The following PCDHGA2 variants were observed in gnomAD, a reference collection of about 807,000 sequenced individuals.
PCDHGA2 encodes protocadherin gamma-A2.
A neutral mutation model predicts 59.2 loss-of-function variants in PCDHGA2; 40 were observed. That is an observed-to-expected ratio of 0.68 (90% CI 0.52 to 0.88). The LOEUF is 0.88. PCDHGA2 is among the 40% of genes least tolerant of loss of function. The pLI is 0.00. For missense variants in PCDHGA2, 1,226 were observed against 1,204.0 expected (o/e 1.02, Z -0.27); for synonymous variants, 560 against 526.0 (o/e 1.06, Z -0.89).
intron 1 of PCDHGA2, chr5:141,356,230 G>A (rs551700676): frequency 1.9e-5 from 31 of 1,592,426 alleles, no homozygotes; most frequent in Non-Finnish European, 2.5e-5. Context: ...AAATGACAAC[G>A]CACCAGAAGT....
intron 2 of PCDHGA2, among the ~76,000 whole-genome samples, chr5:141,498,963 GGGAGGGAGGGAAGGAAGGAA>G (rs1472475865): frequency 5.7e-4 from 74 of 129,970 alleles, no homozygotes; most frequent in Non-Finnish European, 2.6e-4. Flanking sequence ...GAGAGAGGGA[GGGAGGGAGGGAAGGAAGGAA>G]GGAAGGAAGG....
chr5:141,355,781 T>C, intron 1 of PCDHGA2: 2 of 1,613,802 alleles, frequency 1.2e-6, no homozygotes, highest in Non-Finnish European at 1.7e-6. Context: ...TACCCAGAGC[T>C]GGTGCTGGAA....
intron 3 of PCDHGA2, among the ~76,000 whole-genome samples, chr5:141,509,004 G>A (rs2099873761): frequency 6.6e-6 from 1 of 152,072 alleles, no homozygotes; most frequent in South Asian, 2.1e-4. Context: ...AGGAGAGGAG[G>A]AAGTGGGCAG....
intron 1 of PCDHGA2, among the ~76,000 whole-genome samples, chr5:141,379,998 C>A (rs560610207): frequency 7.1e-6 from 1 of 140,462 alleles, no homozygotes; most frequent in South Asian, 2.4e-4. Flanking sequence ...CTCCTGGGTT[C>A]AAGCGATTCT....
At chr5:141,345,981 G>A in intron 1 of PCDHGA2, 1 of 1,613,408 alleles carries the variant, frequency 6.2e-7, no homozygotes, top group Non-Finnish European at 8.5e-7. Context: ...CCAGGACCAC[G>A]GCCAGCCCCC....
At chr5:141,377,359 T>A (rs1773912257) in intron 1 of PCDHGA2, 1 of 152,146 alleles carries the variant, frequency 6.6e-6, no homozygotes, top group South Asian at 2.1e-4. Flanking sequence ...TAATCCCACC[T>A]CTTCAGGAGG....
chr5:141,460,936 A>G (rs189741735), intron 1 of PCDHGA2, among the ~76,000 whole-genome samples: 31 of 149,318 alleles, frequency 2.1e-4, no homozygotes, highest in Non-Finnish European at 3.8e-4. Flanking sequence ...GTGTGTGTGT[A>G]TATATATGTA....
At chr5:141,391,795 A>G (rs1220181718) in intron 1 of PCDHGA2, 2 of 152,206 alleles carry the variant, frequency 1.3e-5, no homozygotes, top group African/African-American at 4.8e-5. Context: ...GCAGTTTTTT[A>G]GATCAAAGTG....
chr5:141,339,859 A>G lies in PCDHGA2; in HGVS notation c.888A>G (p.Ser296=). 6.2e-7 allele frequency: 1 copy of G among 1,614,206 alleles called. No individual in the cohort carries two copies. The highest frequency in any genetic ancestry group is 8.5e-7 in the Non-Finnish European group (1 of 1,180,022). ...CCTCAGAGGTATTTGAGCTTAAGTCAACATCTGGAGAACTGACAATCATAA... is the reference window on the plus strand; with the variant it reads ...CCTCAGAGGTATTTGAGCTTAAGTCGACATCTGGAGAACTGACAATCATAA... The part of the protein sequence containing the change: ...GETSEVFELK[S]TSGELTIIKD... The change falls in exon 1 of 4, where the codon TCA becomes TCG. Residue 296 remains serine (S), a synonymous_variant. Transcript: ENST00000394576.
chr5:141,483,637 G>C (rs1365525499), intron 1 of PCDHGA2, among the ~76,000 whole-genome samples: 2 of 145,762 alleles, frequency 1.4e-5, no homozygotes. Context: ...AAGGTATAGA[G>C]GGGTGTGTGT....
At chr5:141,473,808 C>G (rs1562041705) in intron 1 of PCDHGA2, among the ~76,000 whole-genome samples, 1 of 152,198 alleles carries the variant, frequency 6.6e-6, no homozygotes, top group Non-Finnish European at 1.5e-5. Flanking sequence ...TACTGAGGAG[C>G]AGCTGGACAA....
In PCDHGA2 at chr5:141,360,843, C is replaced by T. The variant is rs910664589; in HGVS notation, c.2424+19448C>T. 8 of 1,613,836 alleles carry T rather than the reference C, an allele frequency of 5.0e-6. No individual in the cohort carries two copies. The Admixed American group carries it at 5.0e-5, about 10-fold the overall frequency. Reference sequence around the variant, plus strand: ...TCCGAATCAAAGTCACGGATGCCAACGATAACCCTCCAGTGTTCAGCCAGG... The same window carrying T: ...TCCGAATCAAAGTCACGGATGCCAATGATAACCCTCCAGTGTTCAGCCAGG... On this transcript the variant is annotated intron_variant, in intron 1 of 3. Coordinates refer to ENST00000394576, the MANE Select transcript of PCDHGA2 (RefSeq NM_018915.4).
chr5:141,500,400 G>A (rs2099799942), intron 2 of PCDHGA2, among the ~76,000 whole-genome samples: 1 of 151,666 alleles, frequency 6.6e-6, no homozygotes, highest in East Asian at 1.9e-4. Context: ...TAGTAGAGAC[G>A]GGGTTTCACC....
At chr5:141,389,341 CT>C in intron 1 of PCDHGA2, 1 of 1,614,016 alleles carries the variant, frequency 6.2e-7, no homozygotes, top group Admixed American at 1.7e-5. Flanking sequence ...GGCCAAGTCT[CT>C]TACTGCATCA....
intron 1 of PCDHGA2, among the ~76,000 whole-genome samples, chr5:141,438,252 G>A (rs1181991674): frequency 6.6e-6 from 1 of 152,072 alleles, no homozygotes. Context: ...AACTGTCATT[G>A]AAGAGACCAT....
intron 1 of PCDHGA2, chr5:141,384,001 C>G (rs1561599904): frequency 6.2e-7 from 1 of 1,613,828 alleles, no homozygotes. Context: ...AGTCATTGCT[C>G]TTTTCTACCT....
At chr5:141,468,822 A>C (rs867400152) in intron 1 of PCDHGA2, among the ~76,000 whole-genome samples, 4 of 151,874 alleles carry the variant, frequency 2.6e-5, no homozygotes, top group Middle Eastern at 3.4e-3. Context: ...GCCAAGATCA[A>C]GCCACTGCAC....
At position 141,444,152 on chromosome 5, in the gene PCDHGA2, A is replaced by ATTT. The variant is rs747671382; in HGVS notation, c.2425-50621_2425-50619dup. 1.9e-3 allele frequency among the ~76,000 whole-genome samples: 66 copies of ATTT among 33,898 alleles called. 23 individuals are homozygous for ATTT. Among genetic ancestry groups the ATTT allele is most frequent in the African/African-American group, 4.6e-3 (33 of 7,184 alleles). The allele number at this position is 33,898 out of a possible 152,430, so 22.2% of individuals were successfully genotyped here. A position where few individuals can be genotyped will look rare whatever the true frequency, so the allele number is the denominator to read the frequency against. On this transcript the variant is annotated intron_variant, in intron 1 of 3. Transcript: ENST00000394576. Reference sequence around the variant, plus strand: ...GATATGTGTCACTTGTGTGTACTGGATTTTTTTTTTTTTTTTTTTTTTTTT... The same window carrying ATTT: ...GATATGTGTCACTTGTGTGTACTGGATTTTTTTTTTTTTTTTTTTTTTTTTTTT...
In PCDHGA2 at chr5:141,430,862, G is replaced by A. The variant is rs1365140768; in HGVS notation, c.2425-63945G>A. ...CGGATGCACCCAGATACGCTATTCA[G>A]TTCCGGAAGAGCTGGAGAAAGGCTC... is the stretch of plus-strand genomic sequence containing the variant. On this transcript the variant is annotated intron_variant, in intron 1 of 3. Transcript: ENST00000394576. 3 of 1,594,672 alleles carry A rather than the reference G, an allele frequency of 1.9e-6. No individual in the cohort carries two copies. The African/African-American group carries it at 4.0e-5, about 21-fold the overall frequency.
Sources: allele counts gnomAD v4.1 joint callset (sites outside exome capture counted in the v4.1 genomes callset), GRCh38; gene constraint gnomAD v4.1.1; transcripts MANE v1.5; gene names NCBI Gene and HGNC (gene_info 2026-07-23, HGNC 2026-07-21).